Variants in UBN2 observed in about 807,000 individuals in gnomAD.
UBN2 encodes ubinuclein-2.
In UBN2, 35 loss-of-function variants were observed where a neutral mutation model predicts 120.2. The ratio of observed to expected loss-of-function variants is 0.29; its 90% CI spans 0.22 to 0.39. The LOEUF is 0.39. Ranked by LOEUF, UBN2 falls within the 10% of genes least tolerant of loss-of-function variation. The pLI, the probability that UBN2 is intolerant of heterozygous loss-of-function variation, is 1.00. For synonymous variants in UBN2, 661 were observed against 648.7 expected (o/e 1.02, Z -0.29); for missense variants, 1,693 against 1,663.2 (o/e 1.02, Z -0.31).
At position 139,295,345 on chromosome 7, in the gene UBN2, A is replaced by C. The variant is rs549759109; in HGVS notation, c.3994+1364A>C. On this transcript the variant is annotated intron_variant, in intron 17 of 17. Transcript: ENST00000473989. Reference sequence around the variant, plus strand: ...ATCTTCCTGAACTCTGACTAGTTTAAATATCTAAAGAGAATTTCCCTGTGA... The same window carrying C: ...ATCTTCCTGAACTCTGACTAGTTTACATATCTAAAGAGAATTTCCCTGTGA... 1.7e-4 allele frequency among the ~76,000 whole-genome samples: 26 copies of C among 152,238 alleles called. 4 individuals carry two copies. The highest frequency in any genetic ancestry group is 6.0e-4 in the African/African-American group (25 of 41,522).
At chr7:139,316,064 C>T in the UBN2 span, among the ~76,000 whole-genome samples, 3 of 110,482 alleles carry the variant, frequency 2.7e-5, no homozygotes, top group African/African-American at 1.1e-4. Context: ...GCAACAAGAG[C>T]GAGACTTCGT....
chr7:139,281,916 C>A, intron 13 of UBN2, 89 bp from the exon 14 acceptor site: 1 of 1,262,366 alleles, frequency 7.9e-7, no homozygotes, highest in Non-Finnish European at 1.1e-6. Flanking sequence ...GGTTTTTAAT[C>A]AGGGGTTTTA....
chr7:139,264,079 T>G (rs1265341113), intron 6 of UBN2, among the ~76,000 whole-genome samples: 1 of 152,196 alleles, frequency 6.6e-6, no homozygotes, highest in Non-Finnish European at 1.5e-5. Flanking sequence ...GATTATTGAA[T>G]CTAAAAATAG....
chr7:139,240,452 A>ATTTT (rs1401337500), intron 2 of UBN2, among the ~76,000 whole-genome samples: 33 of 57,654 alleles, frequency 5.7e-4, no homozygotes, highest in African/African-American at 1.5e-3. Context: ...ATATATATAT[A>ATTTT]TATTTTTTTT....
the UBN2 span, among the ~76,000 whole-genome samples, chr7:139,314,860 A>G: frequency 7.3e-5 from 11 of 151,598 alleles, no homozygotes; most frequent in African/African-American, 2.7e-4. Context: ...GCATCATCTG[A>G]CTCTTAATCA....
intron 17 of UBN2, among the ~76,000 whole-genome samples, chr7:139,294,620 C>CA (rs990471648): frequency 1.3e-5 from 2 of 152,158 alleles, no homozygotes; most frequent in African/African-American, 4.8e-5. Context: ...GTGGGCAGGT[C>CA]ACCTGAGGTT....
intron 8 of UBN2, among the ~76,000 whole-genome samples, 157 bp from the exon 9 acceptor site, chr7:139,272,165 A>G (rs1008915940): frequency 1.8e-4 from 27 of 152,148 alleles, no homozygotes; most frequent in Middle Eastern, 3.2e-3. Flanking sequence ...GTGTCTTAGG[A>G]AAAGTCAGTG....
chr7:139,324,569 A>G, the UBN2 span, among the ~76,000 whole-genome samples: 16 of 151,384 alleles, frequency 1.1e-4, no homozygotes, highest in Non-Finnish European at 1.6e-4. Context: ...AAAAAAAAAA[A>G]AAAAAAGAAA....
chr7:139,320,153 A>T, the UBN2 span, among the ~76,000 whole-genome samples: 3 of 151,998 alleles, frequency 2.0e-5, no homozygotes, highest in African/African-American at 7.2e-5. Flanking sequence ...ACATCTAATT[A>T]TCCATAATTT....
At position 139,272,303 on chromosome 7, in the gene UBN2, A is replaced by G. The variant is rs1489341349; in HGVS notation, c.1597-19A>G. On this transcript the variant is annotated intron_variant, in intron 8 of 17. Transcript: ENST00000473989. ...GTAAATATGTCTGATAAAAACTTCT[A>G]GTATGTTTTTCTTTTTAGGATGATC... The G allele has an allele frequency of 6.4e-7, 1 of 1,568,180 alleles. No homozygotes were observed. Among genetic ancestry groups the G allele is most frequent in the South Asian group, 1.2e-5 (1 of 86,906 alleles).
Position 139,231,533 on chromosome 7 carries a change from C to T in UBN2, c.49C>T (p.Arg17Trp). ...VAFISLSPVR[R>W]REAEYPGPER... is the part of the protein sequence containing the mutation. The stretch of plus-strand genomic sequence containing the variant: ...GTTCATTAGCTTGTCACCGGTGCGG[C>T]GGCGCGAGGCCGAGTACCCGGGGCC... Residue 17 changes from arginine to tryptophan, a missense_variant, in exon 1 of 18, where the codon CGG becomes TGG. Coordinates refer to ENST00000473989, the MANE Select transcript of UBN2 (RefSeq NM_173569.4). 1 of 1,418,542 alleles carries T rather than the reference C, an allele frequency of 7.0e-7. No individual in the cohort carries two copies. Among genetic ancestry groups the T allele is most frequent in the East Asian group, 3.0e-5 (1 of 32,954 alleles). The allele number at this position is 1,418,542 out of a possible 1,614,324, so 87.9% of individuals were successfully genotyped here.
intron 17 of UBN2, among the ~76,000 whole-genome samples, chr7:139,295,513 C>T (rs1469961786): frequency 6.6e-6 from 1 of 152,164 alleles, no homozygotes; most frequent in Non-Finnish European, 1.5e-5. Context: ...TCAAAAAGAC[C>T]CCAGTGTTCG....
At chr7:139,255,109 C>A (rs529301158) in intron 3 of UBN2, among the ~76,000 whole-genome samples, 2 of 152,192 alleles carry the variant, frequency 1.3e-5, no homozygotes, top group Non-Finnish European at 2.9e-5. Context: ...CCTATTCATT[C>A]CTCCTTCCCT....
At position 139,283,145 on chromosome 7, in the gene UBN2, A is replaced by C. The variant is rs754654226; in HGVS notation, c.2240A>C (p.Gln747Pro). The C allele has an allele frequency of 6.2e-6, 10 of 1,612,250 alleles. No homozygotes were observed. Among genetic ancestry groups the C allele is most frequent in the African/African-American group, 2.7e-5 (2 of 74,210 alleles). ...AAASSSSAPA[Q>P]ETICLDDSLD... ...GCTAGCTCTAGCTCTGCACCAGCCC[A>C]AGAAACCATCTGCCTCGACGACTCA... The change falls in exon 15 of 18, where the codon CAA (glutamine) becomes CCA (proline). Residue 747 changes from glutamine (Q) to proline (P), a missense_variant. Physicochemically the swap from Gln to Pro is moderately conservative, Grantham distance 76 (BLOSUM62 -1). Around this residue, in one of 5 missense-constraint regions of UBN2, gnomAD observed 837 missense variants for 817.6 expected, o/e 1.02. Coordinates refer to ENST00000473989, the MANE Select transcript of UBN2 (RefSeq NM_173569.4).
intron 15 of UBN2, among the ~76,000 whole-genome samples, chr7:139,292,097 A>C (rs1462198002): frequency 2.6e-5 from 4 of 151,858 alleles, no homozygotes; most frequent in African/African-American, 9.7e-5. Flanking sequence ...TAATAAATAC[A>C]AAAAATGTTA....
At chr7:139,293,795 C>G in intron 16 of UBN2, 94 bp from the exon 17 acceptor site, 1 of 1,159,442 alleles carries the variant, frequency 8.6e-7, no homozygotes, top group Non-Finnish European at 1.3e-6. Flanking sequence ...AAGTCAGGTG[C>G]TGTGCCTGCA....
chr7:139,290,558 G>A (rs1358758985), intron 15 of UBN2, among the ~76,000 whole-genome samples: 4 of 152,238 alleles, frequency 2.6e-5, no homozygotes, highest in Non-Finnish European at 5.9e-5. Context: ...GATGAAAGCA[G>A]TTGACAGAAG....
chr7:139,243,973 TG>T lies in UBN2; in HGVS notation c.561+6879del, dbSNP rs149963744. Among the ~76,000 whole-genome samples, 694 of 152,286 alleles carry T rather than the reference TG, an allele frequency of 4.6e-3. 4 individuals are homozygous for T. Among genetic ancestry groups the T allele is most frequent in the African/African-American group, 0.016 (669 of 41,558 alleles). Reference sequence around the variant, plus strand: ...CAAAACTTTGGTAGTGAACATTTGGTGGGCCAAACCTAATAAAATAACATTT... The same window carrying T: ...CAAAACTTTGGTAGTGAACATTTGGTGGCCAAACCTAATAAAATAACATTT... On this transcript the variant is annotated intron_variant, in intron 2 of 17. Transcript: ENST00000473989.
chr7:139,259,354 G>T lies in UBN2; in HGVS notation c.889G>T (p.Val297Phe), dbSNP rs1796862060. ...AAAGGAGAAGAAGCCAAGGAAAAAAGTTCCCAAACAACTGGGGTACGTTAA... is the reference window on the plus strand; with the variant it reads ...AAAGGAGAAGAAGCCAAGGAAAAAATTTCCCAAACAACTGGGGTACGTTAA... ...GEKEKKPRKK[V>F]PKQLGVVALN... is the part of the protein sequence containing the mutation. Residue 297 changes from valine to phenylalanine, a missense_variant, in exon 5 of 18, where the codon GTT (valine) becomes TTT (phenylalanine). Transcript: ENST00000473989. 1.9e-6 allele frequency: 3 copies of T among 1,613,796 alleles called. No individual in the cohort carries two copies. Among genetic ancestry groups the T allele is most frequent in the Non-Finnish European group, 1.7e-6 (2 of 1,179,910 alleles).
Sources: allele counts gnomAD v4.1 joint callset (sites outside exome capture counted in the v4.1 genomes callset), GRCh38; gene constraint gnomAD v4.1.1; regional missense constraint gnomAD v4.1.1; transcripts MANE v1.5; gene names NCBI Gene and HGNC (gene_info 2026-07-23, HGNC 2026-07-21).